ADAMTSL1: variants seen among roughly 807,000 people sequenced by gnomAD.
ADAMTSL1 encodes the protein ADAMTS like 1.
Under a neutral mutation model 201.8 loss-of-function variants are expected in ADAMTSL1, and 126 were observed. That is an observed-to-expected ratio of 0.62 (90% CI 0.54 to 0.72). The LOEUF is 0.72. Among genes scored for constraint, ADAMTSL1 ranks in the 30% least tolerant of loss-of-function variants. ADAMTSL1 has a pLI of 0.00. For synonymous variants in ADAMTSL1, 1,121 were observed against 903.4 expected, an observed-to-expected ratio of 1.24 and a Z score of -4.32; for missense variants, 2,679 against 2,277.8, an observed-to-expected ratio of 1.18 and a Z score of -3.59.
intron 2 of ADAMTSL1, among the ~76,000 whole-genome samples, chr9:18,352,664 G>A (rs1231435451): frequency 6.6e-6 from 1 of 152,126 alleles, no homozygotes; most frequent in African/African-American, 2.4e-5. Context: ...ATCTAAAAAT[G>A]TACGCCATGT....
intron 2 of ADAMTSL1, among the ~76,000 whole-genome samples, chr9:18,304,266 A>C (rs1833820329): frequency 1.3e-5 from 2 of 152,122 alleles, no homozygotes; most frequent in South Asian, 4.1e-4. Flanking sequence ...AAGGGGGTCT[A>C]GAGCTTGGCC....
chr9:18,796,352 C>G (rs988982909), intron 20 of ADAMTSL1, among the ~76,000 whole-genome samples: 2 of 152,156 alleles, frequency 1.3e-5, no homozygotes, highest in East Asian at 1.9e-4. Context: ...CCCTACTTCC[C>G]CACTGATCTG....
At chr9:18,688,403 C>T (rs1830975220) in intron 13 of ADAMTSL1, among the ~76,000 whole-genome samples, 1 of 151,286 alleles carries the variant, frequency 6.6e-6, no homozygotes, top group Non-Finnish European at 1.5e-5. Context: ...GCTGGGATTA[C>T]AGGCATGAGC....
intron 23 of ADAMTSL1, among the ~76,000 whole-genome samples, chr9:18,881,183 T>C (rs1364805862): frequency 1.3e-5 from 2 of 152,196 alleles, no homozygotes; most frequent in African/African-American, 4.8e-5. Flanking sequence ...TCTTATCAAT[T>C]TTTTTGTGTT....
chr9:17,988,182 A>G (rs1363186179), intron 1 of ADAMTSL1, among the ~76,000 whole-genome samples: 2 of 152,046 alleles, frequency 1.3e-5, no homozygotes, highest in African/African-American at 2.4e-5. Flanking sequence ...CTTTATTGGC[A>G]TTGTTTTATT....
chr9:18,639,462 A>G, intron 7 of ADAMTSL1, 51 bp downstream of exon 7: 5 of 1,580,856 alleles, frequency 3.2e-6, no homozygotes, highest in Non-Finnish European at 4.3e-6. Flanking sequence ...AAATGATGTT[A>G]CTTATAATTT....
chr9:18,079,371 C>A (rs892184863), intron 1 of ADAMTSL1, among the ~76,000 whole-genome samples: 2 of 152,090 alleles, frequency 1.3e-5, no homozygotes, highest in African/African-American at 2.4e-5. Context: ...CTTTTAACTT[C>A]TTTAATTTTT....
chr9:18,137,963 A>G (rs963817538), intron 1 of ADAMTSL1, among the ~76,000 whole-genome samples: 2 of 152,170 alleles, frequency 1.3e-5, no homozygotes, highest in Admixed American at 6.5e-5. Flanking sequence ...ATCTCAAGCT[A>G]GGGACCACCT....
At position 18,645,529 on chromosome 9, in the gene ADAMTSL1, G is replaced by T. The variant is rs371040191; in HGVS notation, c.834+6118G>T. On this transcript the variant is annotated intron_variant, in intron 7 of 28. Transcript: ENST00000380548. ...GGGTTTTTATGGTTTTAGGTCTAACGTTTAAGTCTTTAATCCATCTTGAAT... is the reference window on the plus strand; with the variant it reads ...GGGTTTTTATGGTTTTAGGTCTAACTTTTAAGTCTTTAATCCATCTTGAAT... 2.7e-5 allele frequency among the ~76,000 whole-genome samples: 4 copies of T among 150,330 alleles called. No homozygotes were observed. The South Asian group carries it at 8.4e-4, about 31-fold the overall frequency.
chr9:17,946,709 T>C (rs1395529361), intron 1 of ADAMTSL1, among the ~76,000 whole-genome samples: 1 of 152,168 alleles, frequency 6.6e-6, no homozygotes, highest in East Asian at 1.9e-4. Flanking sequence ...TTTCATGCTA[T>C]TTGAGGAGCT....
chr9:18,156,960 T>C (rs2132066872), intron 1 of ADAMTSL1, among the ~76,000 whole-genome samples: 1 of 152,224 alleles, frequency 6.6e-6, no homozygotes, highest in Admixed American at 6.5e-5. Context: ...TTGGGAAAGG[T>C]GCTGCCTTTC....
chr9:18,701,279 G>T (rs185507329), intron 13 of ADAMTSL1, among the ~76,000 whole-genome samples: 1 of 140,472 alleles, frequency 7.1e-6, no homozygotes, highest in Non-Finnish European at 1.5e-5. Context: ...GAATACAGTA[G>T]CAAGATCTCA....
chr9:18,172,503 GTTA>G (rs1171559492), intron 2 of ADAMTSL1, among the ~76,000 whole-genome samples: 1 of 152,068 alleles, frequency 6.6e-6, no homozygotes, highest in Non-Finnish European at 1.5e-5. Context: ...AGAAAGTAAG[GTTA>G]TGAGAAGCAC....
intron 1 of ADAMTSL1, among the ~76,000 whole-genome samples, chr9:17,986,954 A>G (rs1438379913): frequency 6.6e-6 from 1 of 152,090 alleles, no homozygotes; most frequent in African/African-American, 2.4e-5. Context: ...TCTTATAGCC[A>G]TTTTAGTGTT....
intron 2 of ADAMTSL1, among the ~76,000 whole-genome samples, chr9:18,506,117 A>G (rs1817629186): frequency 6.6e-6 from 1 of 152,210 alleles, no homozygotes; most frequent in Non-Finnish European, 1.5e-5. Context: ...AAATGGGTCA[A>G]TGTGATTGTA....
At chr9:18,802,696 A>G (rs1304299792) in intron 20 of ADAMTSL1, among the ~76,000 whole-genome samples, 1 of 152,106 alleles carries the variant, frequency 6.6e-6, no homozygotes, top group African/African-American at 2.4e-5. Flanking sequence ...ATGTGGACAT[A>G]TTTTTTATTT....
intron 4 of ADAMTSL1, among the ~76,000 whole-genome samples, chr9:18,593,029 G>A (rs1386515978): frequency 2.0e-5 from 3 of 151,924 alleles, no homozygotes; most frequent in Non-Finnish European, 4.4e-5. Context: ...TTCATTTTTG[G>A]CATATAGAAA....
At chr9:18,002,589 A>G (rs545866194) in intron 1 of ADAMTSL1, among the ~76,000 whole-genome samples, 8 of 152,162 alleles carry the variant, frequency 5.3e-5, no homozygotes, top group South Asian at 4.1e-4. Context: ...AGATTCTGGA[A>G]CTAGTGATTC....
intron 2 of ADAMTSL1, among the ~76,000 whole-genome samples, chr9:18,405,303 G>T (rs1818144710): frequency 6.6e-6 from 1 of 152,174 alleles, no homozygotes; most frequent in Non-Finnish European, 1.5e-5. Flanking sequence ...CACAGCTGCT[G>T]TGTTGTCTTC....
Sources: allele counts gnomAD v4.1 joint callset (sites outside exome capture counted in the v4.1 genomes callset), GRCh38; gene constraint gnomAD v4.1.1; transcripts MANE v1.5; gene names NCBI Gene and HGNC (gene_info 2026-07-23, HGNC 2026-07-21).